GUCD1: variants seen among roughly 807,000 people sequenced by gnomAD.
GUCD1 encodes the protein guanylyl cyclase domain containing 1, also known as protein GUCD1.
GUCD1 carries 17 observed loss-of-function variants against 28.3 expected under a neutral mutation model. The observed-to-expected ratio is 0.60, with a 90% confidence interval of 0.41 to 0.90. GUCD1 has a LOEUF of 0.90. Among genes scored for constraint, GUCD1 ranks in the 40% least tolerant of loss-of-function variants. The pLI is 0.00. For missense variants in GUCD1, 279 were observed against 305.5 expected, an observed-to-expected ratio of 0.91 and a Z score of 0.65; for synonymous variants, 129 against 123.3, an observed-to-expected ratio of 1.05 and a Z score of -0.30.
intron 1 of GUCD1, among the ~76,000 whole-genome samples, chr22:24,554,414 T>C (rs1291682431): frequency 6.6e-6 from 1 of 152,222 alleles, no homozygotes; most frequent in Non-Finnish European, 1.5e-5. Flanking sequence ...AGAACTCCGT[T>C]TGTCATCAAC....
chr22:24,542,875 TG>T lies in GUCD1; in HGVS notation c.*130del. 1 of 692,930 alleles carries T rather than the reference TG, an allele frequency of 1.4e-6. No individual in the cohort carries two copies. The highest frequency in any genetic ancestry group is 2.1e-5 in the Admixed American group (1 of 48,184). 42.9% of individuals were successfully genotyped at this position (692,930 alleles called of 1,614,324 possible). A position where few individuals can be genotyped will look rare whatever the true frequency, so the allele number is the denominator to read the frequency against. ...GCCAGTCTCCGAGTTCCTGGGACTC[TG>T]CCAGATGGGCTGAGGCTGCAGTTCC... On this transcript the variant is annotated 3_prime_UTR_variant, in exon 6 of 6. Coordinates refer to ENST00000435822, the MANE Select transcript of GUCD1 (RefSeq NM_001284254.2).
intron 1 of GUCD1, among the ~76,000 whole-genome samples, chr22:24,552,641 G>C (rs1601552472): frequency 6.6e-6 from 1 of 152,140 alleles, no homozygotes; most frequent in African/African-American, 2.4e-5. Context: ...GCAGGGGCCA[G>C]AGCCTCTTAT....
At chr22:24,555,582 C>T (rs1244001539), upstream of GUCD1, 1 of 1,547,244 alleles carries the variant, frequency 6.5e-7, no homozygotes, top group South Asian at 1.2e-5. Context: ...TTATCCGTAC[C>T]AGATACCTAG....
chr22:24,543,087 G>A lies in GUCD1; in HGVS notation c.639C>T (p.Ser213=), dbSNP rs960894230. ...NNPAYADRMC[S]TSISNFEEAR... is the part of the protein sequence containing the mutation. ...CCTCCTCAAAGTTACTGATGCTGGT[G>A]CTGCACATTCCTGCTGGGGGTGGGG... The change falls in exon 6 of 6, where the codon AGC becomes AGT. Residue 213 remains serine (S), a synonymous_variant. Coordinates refer to ENST00000435822, the MANE Select transcript of GUCD1 (RefSeq NM_001284254.2). 1 of 1,613,718 alleles carries A rather than the reference G, an allele frequency of 6.2e-7. No homozygotes were observed. Among genetic ancestry groups the A allele is most frequent in the Admixed American group, 1.7e-5 (1 of 60,014 alleles).
chr22:24,540,906 G>C lies in GUCD1; in HGVS notation c.*2100C>G, dbSNP rs1242495522. ...CCCTCCATGAAGGCCACTCCCTAGT[G>C]ACAGCCCTAACAGCATGTGCACTGT... is the stretch of plus-strand genomic sequence containing the variant. On this transcript the variant is annotated 3_prime_UTR_variant, in exon 6 of 6. Coordinates refer to ENST00000435822, the MANE Select transcript of GUCD1 (RefSeq NM_001284254.2). 6.0e-6 allele frequency: 1 copy of C among 167,210 alleles called. No individual in the cohort carries two copies. Among genetic ancestry groups the C allele is most frequent in the East Asian group, 1.9e-4 (1 of 5,208 alleles). 10.4% of individuals were successfully genotyped at this position (167,210 alleles called of 1,614,324 possible).
chr22:24,554,809 A>AC (rs2044990580), intron 1 of GUCD1, 140 bp downstream of exon 1: 1 of 623,744 alleles, frequency 1.6e-6, no homozygotes. Context: ...GTGTCAGGAA[A>AC]CCCCCACTGA....
chr22:24,552,050 CT>C (rs1367075294), intron 1 of GUCD1, among the ~76,000 whole-genome samples: 1 of 152,204 alleles, frequency 6.6e-6, no homozygotes, highest in Non-Finnish European at 1.5e-5. Context: ...TGTTCATGCC[CT>C]TTCTGTTCCT....
At chr22:24,554,139 T>G (rs2044961416) in intron 1 of GUCD1, among the ~76,000 whole-genome samples, 1 of 152,242 alleles carries the variant, frequency 6.6e-6, no homozygotes. Context: ...GCACTGCATG[T>G]AAACAACTGC....
chr22:24,547,416 T>G (rs2044755319), intron 3 of GUCD1: 1 of 199,850 alleles, frequency 5.0e-6, no homozygotes, highest in South Asian at 1.1e-4. Flanking sequence ...CACACTTTGC[T>G]GGCATGGCTA....
chr22:24,548,769 G>A, intron 2 of GUCD1, 148 bp downstream of exon 2: 1 of 570,790 alleles, frequency 1.8e-6, no homozygotes, highest in Non-Finnish European at 3.2e-6. Flanking sequence ...TTTTGCAGAT[G>A]GGACTAGGAC....
At chr22:24,548,229 C>A (rs1300076918) in intron 2 of GUCD1, among the ~76,000 whole-genome samples, 156 bp from the exon 3 acceptor site, 2 of 152,224 alleles carry the variant, frequency 1.3e-5, no homozygotes, top group Admixed American at 1.3e-4. Flanking sequence ...CACACACTGC[C>A]CAGGCTGCTT....
At chr22:24,555,151 G>A (rs938058827), upstream of GUCD1, 1 of 1,308,442 alleles carries the variant, frequency 7.6e-7, no homozygotes, top group Non-Finnish European at 9.7e-7. Flanking sequence ...GCCGCCCCAA[G>A]CGCCGCCCCA....
At position 24,542,716 on chromosome 22, in the gene GUCD1, C is replaced by T. The variant is rs2044623571; in HGVS notation, c.*290G>A. On this transcript the variant is annotated 3_prime_UTR_variant, in exon 6 of 6. Transcript: ENST00000435822. ...GGATCTGGCTCAAAGGCAACAAGGGCACTGTCGGGACTGGACTTCCTGTGG... is the reference window on the plus strand; with the variant it reads ...GGATCTGGCTCAAAGGCAACAAGGGTACTGTCGGGACTGGACTTCCTGTGG... 1 of 395,484 alleles carries T rather than the reference C, an allele frequency of 2.5e-6. No individual in the cohort carries two copies. The highest frequency in any genetic ancestry group is 2.0e-5 in the African/African-American group (1 of 48,858). 24.5% of individuals were successfully genotyped at this position (395,484 alleles called of 1,614,324 possible).
Position 24,544,016 on chromosome 22 carries a change from A to G in GUCD1, c.454T>C (p.Ser152Pro). ...CACAGGTCACAGTGCAGCACCCCCG[A>G]GTTCACCAGCACGATGGCCACATGG... ...QGHVAIVLVN[S>P]GVLHCDLCSS... is the part of the protein sequence containing the mutation. Residue 152 changes from serine (S) to proline (P), a missense_variant, in exon 5 of 6, where the codon TCG becomes CCG. By Grantham distance (74) the Ser-to-Pro change is moderately conservative. Transcript: ENST00000435822. 6.2e-7 allele frequency: 1 copy of G among 1,613,846 alleles called. No individual in the cohort carries two copies. Among genetic ancestry groups the G allele is most frequent in the Non-Finnish European group, 8.5e-7 (1 of 1,179,860 alleles).
chr22:24,544,897 G>T (rs560064184), intron 4 of GUCD1, among the ~76,000 whole-genome samples: 5 of 152,246 alleles, frequency 3.3e-5, no homozygotes, highest in African/African-American at 4.8e-5. Context: ...GTATGAGATT[G>T]TGGTTCCAGC....
Position 24,543,090 on chromosome 22 carries a change from G to A in GUCD1, c.636C>T (p.Cys212=), listed in dbSNP as rs1418124167. The A allele has an allele frequency of 1.2e-6, 2 of 1,613,332 alleles. No individual in the cohort carries two copies. The highest frequency in any genetic ancestry group is 1.3e-5 in the African/African-American group (1 of 74,908). ...YNNPAYADRM[C]STSISNFEEA... is the part of the protein sequence containing the mutation. ...CCTCAAAGTTACTGATGCTGGTGCT[G>A]CACATTCCTGCTGGGGGTGGGGAAG... The change falls in exon 6 of 6, where the codon TGC becomes TGT. Residue 212 remains cysteine (C), a synonymous_variant. Transcript: ENST00000435822.
intron 3 of GUCD1, 174 bp from the exon 4 acceptor site, chr22:24,547,179 A>T (rs1346067394): frequency 1.0e-5 from 6 of 599,466 alleles, no homozygotes; most frequent in Non-Finnish European, 1.8e-5. Flanking sequence ...TGTCTGTCCT[A>T]AGCAGGAGCA....
At chr22:24,547,296 A>G (rs934854786) in intron 3 of GUCD1, 1 of 375,490 alleles carries the variant, frequency 2.7e-6, no homozygotes. Flanking sequence ...GGGCTTGTAC[A>G]CTCTGGCAGG....
chr22:24,542,001 G>T lies in GUCD1; in HGVS notation c.*1005C>A, dbSNP rs2044605699. 6.6e-6 allele frequency: 1 copy of T among 152,386 alleles called. No individual in the cohort carries two copies. Among genetic ancestry groups the T allele is most frequent in the African/African-American group, 2.4e-5 (1 of 41,582 alleles). The allele number at this position is 152,386 out of a possible 1,614,324, so 9.4% of individuals were successfully genotyped here. On this transcript the variant is annotated 3_prime_UTR_variant, in exon 6 of 6. Coordinates refer to ENST00000435822, the MANE Select transcript of GUCD1 (RefSeq NM_001284254.2). Reference sequence around the variant, plus strand: ...AGAGCTCTATGCTACTTGCTGTGTTGTAAGATCCTGGGCAGGAACCCCTCT... The same window carrying T: ...AGAGCTCTATGCTACTTGCTGTGTTTTAAGATCCTGGGCAGGAACCCCTCT...
Sources: allele counts gnomAD v4.1 joint callset (sites outside exome capture counted in the v4.1 genomes callset), GRCh38; gene constraint gnomAD v4.1.1; transcripts MANE v1.5; gene names NCBI Gene and HGNC (gene_info 2026-07-23, HGNC 2026-07-21).